Variants in GPC5 observed in about 807,000 individuals in gnomAD.
The protein encoded by GPC5 is glypican 5, also known as glypican-5.
Under a neutral mutation model 53.9 loss-of-function variants are expected in GPC5, and 47 were observed. That is an observed-to-expected ratio of 0.87 (90% CI 0.69 to 1.11). GPC5 has a LOEUF of 1.11. Ranked by LOEUF, GPC5 falls within the 50% of genes most tolerant of loss-of-function variation. The probability of loss-of-function intolerance (pLI) is 0.00; values close to 1 mark genes in which losing one functional copy is unlikely to be tolerated. For synonymous variants in GPC5, 286 were observed against 263.3 expected (o/e 1.09, Z -0.84); for missense variants, 748 against 713.1 (o/e 1.05, Z -0.56).
intron 7 of GPC5, among the ~76,000 whole-genome samples, chr13:92,473,466 G>A (rs1162920339): frequency 2.0e-5 from 3 of 152,034 alleles, no homozygotes; most frequent in Admixed American, 1.3e-4. Flanking sequence ...CTAATGGTCT[G>A]GTGTGCTGAC....
At chr13:91,629,145 G>A (rs1706050077) in intron 2 of GPC5, among the ~76,000 whole-genome samples, 1 of 151,924 alleles carries the variant, frequency 6.6e-6, no homozygotes, top group African/African-American at 2.4e-5. Context: ...AATTATTTCT[G>A]GTTCACACTG....
Position 91,728,584 on chromosome 13 carries a change from G to T in GPC5, c.1073G>T (p.Cys358Phe), listed in dbSNP as rs770157755. 2.5e-5 allele frequency: 40 copies of T among 1,612,990 alleles called. No individual in the cohort carries two copies. Among genetic ancestry groups the T allele is most frequent in the Non-Finnish European group, 3.2e-5 (38 of 1,179,342 alleles). ...AGAACACCCACACAAAGCCCCCGTT[G>T]TTCTTTTGATCAGAGCAAAGAGAAG... ...PVRTPTQSPR[C>F]SFDQSKEKHG... Residue 358 changes from cysteine (C) to phenylalanine (F), a missense_variant, in exon 4 of 8, where the codon TGT (cysteine) becomes TTT (phenylalanine). By Grantham distance (205) the Cys-to-Phe change is radical. Transcript: ENST00000377067.
chr13:91,448,655 C>T (rs1323699016), intron 1 of GPC5, 106 bp from the exon 2 acceptor site: 9 of 1,127,942 alleles, frequency 8.0e-6, no homozygotes, highest in African/African-American at 4.7e-5. Flanking sequence ...AAATCCATTC[C>T]TCACATAGTC....
intron 7 of GPC5, among the ~76,000 whole-genome samples, chr13:92,286,254 G>A (rs909403079): frequency 6.6e-6 from 1 of 152,162 alleles, no homozygotes; most frequent in African/African-American, 2.4e-5. Flanking sequence ...TGGAGAAGAT[G>A]TGGAGAAATA....
intron 7 of GPC5, among the ~76,000 whole-genome samples, chr13:92,372,634 A>G (rs2043660304): frequency 6.6e-6 from 1 of 152,210 alleles, no homozygotes; most frequent in African/African-American, 2.4e-5. Flanking sequence ...ACTAAATGCC[A>G]CATGCCAAAT....
At chr13:92,434,961 C>T (rs1312345567) in intron 7 of GPC5, among the ~76,000 whole-genome samples, 3 of 152,212 alleles carry the variant, frequency 2.0e-5, no homozygotes, top group Non-Finnish European at 4.4e-5. Flanking sequence ...GTCACCCAGG[C>T]TGGAGGGCAG....
At chr13:91,831,913 T>G (rs2038664562) in intron 5 of GPC5, among the ~76,000 whole-genome samples, 1 of 152,008 alleles carries the variant, frequency 6.6e-6, no homozygotes, top group African/African-American at 2.4e-5. Flanking sequence ...GGGGATGAGG[T>G]GCTGAGAATT....
intron 5 of GPC5, among the ~76,000 whole-genome samples, chr13:91,819,617 T>C (rs2038458957): frequency 6.6e-6 from 1 of 152,214 alleles, no homozygotes; most frequent in Admixed American, 6.5e-5. Flanking sequence ...TTGCTGAATA[T>C]TTTATGAATA....
chr13:91,638,948 A>C (rs1264836494), intron 2 of GPC5, among the ~76,000 whole-genome samples: 17 of 152,236 alleles, frequency 1.1e-4, no homozygotes, highest in Non-Finnish European at 2.9e-5. Context: ...CTTGAAAAAT[A>C]CAAAAAGGCA....
At chr13:91,423,541 G>A (rs1414882204) in intron 1 of GPC5, among the ~76,000 whole-genome samples, 1 of 152,118 alleles carries the variant, frequency 6.6e-6, no homozygotes, top group Non-Finnish European at 1.5e-5. Flanking sequence ...AGCCTACTAT[G>A]TATGGAGAGT....
intron 7 of GPC5, among the ~76,000 whole-genome samples, chr13:92,231,551 A>G (rs1414862151): frequency 6.6e-6 from 1 of 151,672 alleles, no homozygotes. Flanking sequence ...AAAGGTTTAG[A>G]ATTAAAACTA....
intron 7 of GPC5, among the ~76,000 whole-genome samples, chr13:92,345,461 T>A (rs2043403363): frequency 6.6e-6 from 1 of 152,092 alleles, no homozygotes; most frequent in African/African-American, 2.4e-5. Context: ...GGCTGCAATC[T>A]CTACCAACTG....
At chr13:92,125,785 C>T (rs2041689460) in intron 6 of GPC5, among the ~76,000 whole-genome samples, 1 of 151,926 alleles carries the variant, frequency 6.6e-6, no homozygotes, top group Admixed American at 6.6e-5. Flanking sequence ...TGGTATAGTG[C>T]AAAGTAGTAT....
rs150545535 is a variant in GPC5, at chr13:92,717,923, A to G, written c.1562-148359A>G. Among the ~76,000 whole-genome samples, 7 of 152,262 alleles carry G rather than the reference A, an allele frequency of 4.6e-5. 1 individual carries two copies. The highest frequency in any genetic ancestry group is 2.6e-4 in the Admixed American group (4 of 15,286). ...TCAACTCAATAGGAAAAAATCTAAT[A>G]ATCTGATTAAAAATGGGCAAAAGGT... is the stretch of plus-strand genomic sequence containing the variant. On this transcript the variant is annotated intron_variant, in intron 7 of 7. Transcript: ENST00000377067.
chr13:92,557,960 T>A (rs978695901), intron 7 of GPC5, among the ~76,000 whole-genome samples: 1 of 151,980 alleles, frequency 6.6e-6, no homozygotes, highest in Non-Finnish European at 1.5e-5. Flanking sequence ...TTTGAGAAAT[T>A]AAATTACATT....
chr13:92,338,331 C>T (rs2043339310), intron 7 of GPC5, among the ~76,000 whole-genome samples: 1 of 152,072 alleles, frequency 6.6e-6, no homozygotes, highest in Non-Finnish European at 1.5e-5. Flanking sequence ...ATAATTGTTG[C>T]TGGGAATGCA....
At chr13:92,342,039 A>G (rs1270293118) in intron 7 of GPC5, among the ~76,000 whole-genome samples, 1 of 152,090 alleles carries the variant, frequency 6.6e-6, no homozygotes, top group Non-Finnish European at 1.5e-5. Flanking sequence ...GATTAGTTTA[A>G]TATATTGGCT....
At chr13:91,937,786 G>T (rs1372524382) in intron 6 of GPC5, among the ~76,000 whole-genome samples, 1 of 151,898 alleles carries the variant, frequency 6.6e-6, no homozygotes, top group Non-Finnish European at 1.5e-5. Flanking sequence ...TAAACCTTAG[G>T]GTGTAAAATA....
At chr13:92,029,507 C>A (rs540196971) in intron 6 of GPC5, among the ~76,000 whole-genome samples, 1 of 152,154 alleles carries the variant, frequency 6.6e-6, no homozygotes, top group African/African-American at 2.4e-5. Context: ...GACAACTTCT[C>A]GGGTTCAACA....
Sources: gnomAD v4.1 joint callset for allele counts (sites outside exome capture counted in the v4.1 genomes callset) on GRCh38, gnomAD v4.1.1 for gene constraint, MANE v1.5 for transcripts, NCBI Gene and HGNC (gene_info 2026-07-23, HGNC 2026-07-21) for gene names.